The following BCO1 variants were observed in gnomAD, a reference collection of about 807,000 sequenced individuals.
BCO1 encodes beta-carotene oxygenase 1, also known as beta,beta-carotene 15,15'-dioxygenase.
BCO1 carries 54 observed loss-of-function variants against 56.3 expected under a neutral mutation model. That is an observed-to-expected ratio of 0.96 (90% CI 0.77 to 1.20). The LOEUF is 1.20. Among genes scored for constraint, BCO1 ranks in the 50% most tolerant of loss-of-function variants. BCO1 has a pLI of 0.00. For synonymous variants in BCO1, 318 were observed against 266.1 expected (o/e 1.20, Z -1.90); for missense variants, 801 against 690.9 (o/e 1.16, Z -1.79).
intron 6 of BCO1, among the ~76,000 whole-genome samples, chr16:81,268,539 GTTTA>G (rs1906979911): frequency 1.3e-5 from 2 of 152,286 alleles, no homozygotes; most frequent in East Asian, 3.9e-4. Flanking sequence ...GCGGCCAGAG[GTTTA>G]GACATTGTAA....
At chr16:81,284,317 GAAA>G (rs1384371277) in intron 8 of BCO1, among the ~76,000 whole-genome samples, 25 of 146,540 alleles carry the variant, frequency 1.7e-4, no homozygotes, top group Non-Finnish European at 3.0e-4. Context: ...CATTTACAGA[GAAA>G]AAATAATATT....
chr16:81,240,938 G>T (rs9673260), intron 1 of BCO1, among the ~76,000 whole-genome samples: 1 of 149,340 alleles, frequency 6.7e-6, no homozygotes, highest in Non-Finnish European at 1.5e-5. Context: ...GGGTTCAAGC[G>T]ATTCTTCTGC....
At chr16:81,281,573 A>G (rs1174529822) in intron 8 of BCO1, among the ~76,000 whole-genome samples, 1 of 152,154 alleles carries the variant, frequency 6.6e-6, no homozygotes, top group Non-Finnish European at 1.5e-5. Context: ...CTTCCTCTCA[A>G]CATCCACAAT....
At chr16:81,252,328 C>T (rs923226621) in intron 2 of BCO1, among the ~76,000 whole-genome samples, 5 of 152,002 alleles carry the variant, frequency 3.3e-5, no homozygotes, top group Non-Finnish European at 7.4e-5. Context: ...GGCATGATCT[C>T]AGCTCACTGC....
At chr16:81,290,192 C>G (rs1908384910) in intron 10 of BCO1, among the ~76,000 whole-genome samples, 156 bp from the exon 11 acceptor site, 2 of 152,202 alleles carry the variant, frequency 1.3e-5, no homozygotes, top group African/African-American at 2.4e-5. Flanking sequence ...GCCTAGTTGC[C>G]AGGCCTTTCC....
At chr16:81,282,793 C>T (rs1279600470) in intron 8 of BCO1, among the ~76,000 whole-genome samples, 2 of 152,122 alleles carry the variant, frequency 1.3e-5, no homozygotes, top group Non-Finnish European at 2.9e-5. Flanking sequence ...CTTTGGGCTA[C>T]CCATCCAATC....
At position 81,287,285 on chromosome 16, in the gene BCO1, G is replaced by C. The variant is rs772161200; in HGVS notation, c.1303-10G>C. The C allele has an allele frequency of 1.3e-6, 2 of 1,581,700 alleles. No individual in the cohort carries two copies. Among genetic ancestry groups the C allele is most frequent in the East Asian group, 4.5e-5 (2 of 44,712 alleles). On this transcript the variant is annotated splice_polypyrimidine_tract_variant and intron_variant, in intron 9 of 10. Coordinates refer to ENST00000258168, the MANE Select transcript of BCO1 (RefSeq NM_017429.3). ...AGTCATTTATGTGTTTTTCCTCGTT[G>C]GATGTACAGATAATAAAATATGACA...
At position 81,290,512 on chromosome 16, in the gene BCO1, AAGC is replaced by A; in HGVS notation, c.1582_1584del (p.Gln528del). 6.2e-7 allele frequency: 1 copy of A among 1,614,144 alleles called. No individual in the cohort carries two copies. The highest frequency in any genetic ancestry group is 8.5e-7 in the Non-Finnish European group (1 of 1,180,032). ...TACAGACATGGACTGGGACACAAAA[AAGC>A]AGGCCGCTTCTGAGGAACAGCGGGA... On this transcript the variant is annotated inframe_deletion, in exon 11 of 11. Coordinates refer to ENST00000258168, the MANE Select transcript of BCO1 (RefSeq NM_017429.3).
chr16:81,257,853 C>T (rs1247998818), intron 2 of BCO1, among the ~76,000 whole-genome samples: 1 of 146,874 alleles, frequency 6.8e-6, no homozygotes, highest in Non-Finnish European at 1.5e-5. Context: ...GCACTCCAGC[C>T]TGGGTGACAG....
chr16:81,278,125 T>G (rs986207322), intron 7 of BCO1, among the ~76,000 whole-genome samples: 2 of 152,148 alleles, frequency 1.3e-5, no homozygotes, highest in Admixed American at 1.3e-4. Flanking sequence ...CATTGCAACC[T>G]CCGCCTCCCA....
chr16:81,262,019 G>A, intron 3 of BCO1, 117 bp from the exon 4 acceptor site: 1 of 1,275,154 alleles, frequency 7.8e-7, no homozygotes, highest in East Asian at 2.3e-5. Flanking sequence ...TGGGATTACA[G>A]GCACCCGGCC....
chr16:81,274,912 A>G (rs1461388164), intron 7 of BCO1, among the ~76,000 whole-genome samples: 2 of 152,034 alleles, frequency 1.3e-5, no homozygotes, highest in Non-Finnish European at 2.9e-5. Context: ...AAAAAAAAAA[A>G]AAAAGAAAGC....
chr16:81,247,140 G>A (rs1387610104), intron 2 of BCO1, among the ~76,000 whole-genome samples: 5 of 152,134 alleles, frequency 3.3e-5, no homozygotes, highest in Admixed American at 1.3e-4. Context: ...AGCGGGCTTC[G>A]GGTCACACAG....
intron 8 of BCO1, among the ~76,000 whole-genome samples, chr16:81,283,701 A>G (rs1034740728): frequency 2.6e-5 from 4 of 151,758 alleles, no homozygotes; most frequent in Admixed American, 6.6e-5. Context: ...TCAATACTTC[A>G]TTCCCCTTCC....
intron 3 of BCO1, among the ~76,000 whole-genome samples, chr16:81,261,716 C>G (rs1302392542): frequency 2.0e-5 from 3 of 152,014 alleles, no homozygotes; most frequent in African/African-American, 2.4e-5. Context: ...GACCCAGTTG[C>G]TTTTTCTTCC....
chr16:81,281,055 A>T, intron 8 of BCO1, 93 bp downstream of exon 8: 1 of 919,752 alleles, frequency 1.1e-6, no homozygotes, highest in Non-Finnish European at 1.8e-6. Context: ...CCTCCTGTGC[A>T]TGGACAAGGG....
intron 5 of BCO1, among the ~76,000 whole-genome samples, chr16:81,265,792 A>G (rs1906782995): frequency 1.0e-5 from 1 of 96,838 alleles, no homozygotes; most frequent in South Asian, 2.8e-4. Flanking sequence ...TCCACCATCC[A>G]TCCATTGAGC....
chr16:81,286,622 G>A (rs1388724590), intron 9 of BCO1, among the ~76,000 whole-genome samples: 1 of 152,176 alleles, frequency 6.6e-6, no homozygotes, highest in African/African-American at 2.4e-5. Flanking sequence ...TTGGGAGGCT[G>A]AGGATTGCTT....
chr16:81,242,807 G>T (rs959367112), intron 1 of BCO1, among the ~76,000 whole-genome samples: 1 of 152,096 alleles, frequency 6.6e-6, no homozygotes, highest in East Asian at 1.9e-4. Flanking sequence ...ACAGCATTAC[G>T]GCCCGAGTTC....
Sources: allele counts gnomAD v4.1 joint callset (sites outside exome capture counted in the v4.1 genomes callset), GRCh38; gene constraint gnomAD v4.1.1; transcripts MANE v1.5; gene names NCBI Gene and HGNC (gene_info 2026-07-23, HGNC 2026-07-21).